The following FMNL2 variants were observed in gnomAD, a reference collection of about 807,000 sequenced individuals.
The protein encoded by FMNL2 is formin like 2.
FMNL2 carries 51 observed loss-of-function variants against 130.2 expected under a neutral mutation model. That is an observed-to-expected ratio of 0.39 (90% CI 0.31 to 0.49). The LOEUF is 0.49. FMNL2 is among the 20% of genes least tolerant of loss of function. The probability of loss-of-function intolerance (pLI) is 0.85; values close to 1 mark genes in which losing one functional copy is unlikely to be tolerated. For synonymous variants in FMNL2, 465 were observed against 467.1 expected (o/e 1.00, Z 0.06); for missense variants, 977 against 1,316.2 (o/e 0.74, Z 3.99).
At chr2:152,399,658 G>C (rs2105956874) in intron 1 of FMNL2, among the ~76,000 whole-genome samples, 1 of 152,234 alleles carries the variant, frequency 6.6e-6, no homozygotes, top group South Asian at 2.1e-4. Context: ...ATTTGTATGG[G>C]GATGGATTAG....
intron 1 of FMNL2, among the ~76,000 whole-genome samples, chr2:152,376,717 T>C (rs1051191672): frequency 6.6e-6 from 1 of 152,244 alleles, no homozygotes; most frequent in African/African-American, 2.4e-5. Flanking sequence ...CCTTTGGCTC[T>C]TCTTTATTCT....
rs544986904 is a variant in FMNL2 at position 152,608,216 on chromosome 2, T to C, written c.951+803T>C. ...CCTAACCGGGCTGTAATTTCCCAGA[T>C]CACTTCTAACCTGAAGCAGACGTAC... is the stretch of plus-strand genomic sequence containing the variant. On this transcript the variant is annotated intron_variant, in intron 10 of 25. Coordinates refer to ENST00000288670, the MANE Select transcript of FMNL2 (RefSeq NM_052905.4). Among the ~76,000 whole-genome samples the C allele has an allele frequency of 7.2e-5, 11 of 152,208 alleles. No homozygotes were observed. The South Asian group carries it at 2.3e-3, about 32-fold the overall frequency.
chr2:152,517,656 A>G (rs1380348017), intron 1 of FMNL2, among the ~76,000 whole-genome samples: 1 of 152,218 alleles, frequency 6.6e-6, no homozygotes, highest in Non-Finnish European at 1.5e-5. Flanking sequence ...TTACAGAAAT[A>G]ATACTCTTGG....
Position 152,577,295 on chromosome 2 carries a change from A to G in FMNL2, c.706-1593A>G, listed in dbSNP as rs1388830773. Among the ~76,000 whole-genome samples, 4 of 152,326 alleles carry G rather than the reference A, an allele frequency of 2.6e-5. No individual in the cohort carries two copies. The East Asian group carries it at 5.8e-4, about 22-fold the overall frequency. On this transcript the variant is annotated intron_variant, in intron 7 of 25. Transcript: ENST00000288670. ...CACCTGTGAGATATATTTGCTATCT[A>G]CAAAGATGGGAAGACTGCAGGATAG...
intron 1 of FMNL2, among the ~76,000 whole-genome samples, chr2:152,422,640 T>C (rs1048792182): frequency 3.9e-5 from 6 of 152,200 alleles, no homozygotes; most frequent in Non-Finnish European, 5.9e-5. Flanking sequence ...GCCATCCTCC[T>C]ATCTCAGCCT....
chr2:152,404,308 A>G (rs1449238533), intron 1 of FMNL2, among the ~76,000 whole-genome samples: 1 of 152,190 alleles, frequency 6.6e-6, no homozygotes, highest in Non-Finnish European at 1.5e-5. Context: ...TTCCTACATA[A>G]ACATTTTGTT....
chr2:152,640,671 T>C lies in FMNL2; in HGVS notation c.3046-120T>C, dbSNP rs752061020. 8 of 1,182,322 alleles carry C rather than the reference T, an allele frequency of 6.8e-6. No homozygotes were observed. The South Asian group carries it at 1.3e-4, about 19-fold the overall frequency. 73.2% of individuals were successfully genotyped at this position (1,182,322 alleles called of 1,614,324 possible). On this transcript the variant is annotated intron_variant, in intron 24 of 25. Coordinates refer to ENST00000288670, the MANE Select transcript of FMNL2 (RefSeq NM_052905.4). ...CTCTGCAACTGAGCAGAATGTGGGA[T>C]GTGTGTGTGTTTTTGGCCGAAGCTG...
chr2:152,448,836 T>C (rs1688489501), intron 1 of FMNL2, among the ~76,000 whole-genome samples: 1 of 152,242 alleles, frequency 6.6e-6, no homozygotes, highest in African/African-American at 2.4e-5. Flanking sequence ...TTCCCTCAGA[T>C]AGCTGATTAC....
intron 1 of FMNL2, among the ~76,000 whole-genome samples, chr2:152,405,651 A>C (rs1376767873): frequency 1.3e-5 from 2 of 152,164 alleles, no homozygotes; most frequent in African/African-American, 2.4e-5. Flanking sequence ...CTAGAGACCA[A>C]CTGGTCCAAC....
intron 1 of FMNL2, among the ~76,000 whole-genome samples, chr2:152,450,138 TA>T (rs1467411107): frequency 3.9e-5 from 6 of 152,172 alleles, no homozygotes; most frequent in African/African-American, 1.2e-4. Flanking sequence ...ATATTTGCAT[TA>T]AAAAAACAAT....
intron 1 of FMNL2, among the ~76,000 whole-genome samples, chr2:152,415,430 T>C (rs1686556304): frequency 6.6e-6 from 1 of 152,218 alleles, no homozygotes; most frequent in Non-Finnish European, 1.5e-5. Context: ...ACAGGCTTGT[T>C]GTAGGGAGAA....
intron 1 of FMNL2, among the ~76,000 whole-genome samples, chr2:152,427,865 C>T (rs1687276987): frequency 6.6e-6 from 1 of 152,190 alleles, no homozygotes; most frequent in Admixed American, 6.5e-5. Flanking sequence ...ATGACTCCCC[C>T]TGGGTTTGTG....
chr2:152,437,048 G>A (rs1687808359), intron 1 of FMNL2, among the ~76,000 whole-genome samples: 1 of 152,158 alleles, frequency 6.6e-6, no homozygotes, highest in East Asian at 1.9e-4. Flanking sequence ...TTTGCAGATA[G>A]CTGCCTTATT....
At chr2:152,437,651 A>C (rs904507756) in intron 1 of FMNL2, among the ~76,000 whole-genome samples, 1 of 152,104 alleles carries the variant, frequency 6.6e-6, no homozygotes, top group Non-Finnish European at 1.5e-5. Flanking sequence ...TTTACAGTCT[A>C]TCGGTTTGTG....
chr2:152,594,985 ACT>A (rs1399897464), intron 9 of FMNL2, among the ~76,000 whole-genome samples: 1 of 151,990 alleles, frequency 6.6e-6, no homozygotes, highest in East Asian at 1.9e-4. Context: ...TTCCCCGCAA[ACT>A]CTGCGTCACA....
At chr2:152,381,417 A>C (rs1168806094) in intron 1 of FMNL2, among the ~76,000 whole-genome samples, 1 of 152,236 alleles carries the variant, frequency 6.6e-6, no homozygotes, top group Non-Finnish European at 1.5e-5. Context: ...CCAGATCTCC[A>C]GGGATGCTAA....
intron 1 of FMNL2, among the ~76,000 whole-genome samples, chr2:152,477,473 C>T (rs1558895802): frequency 6.6e-6 from 1 of 152,180 alleles, no homozygotes. Flanking sequence ...TTACCCCCAT[C>T]CCAAACTTGT....
At chr2:152,419,591 A>C (rs1686800051) in intron 1 of FMNL2, among the ~76,000 whole-genome samples, 1 of 152,168 alleles carries the variant, frequency 6.6e-6, no homozygotes, top group African/African-American at 2.4e-5. Context: ...CAGGAGGAGT[A>C]AATTAATTTA....
intron 1 of FMNL2, among the ~76,000 whole-genome samples, chr2:152,361,324 G>A (rs1235659875): frequency 2.0e-5 from 3 of 152,094 alleles, no homozygotes; most frequent in African/African-American, 7.2e-5. Flanking sequence ...AAAACTTCCA[G>A]TAAAATATAC....
Sources: allele counts gnomAD v4.1 joint callset (sites outside exome capture counted in the v4.1 genomes callset), GRCh38; gene constraint gnomAD v4.1.1; transcripts MANE v1.5; gene names NCBI Gene and HGNC (gene_info 2026-07-23, HGNC 2026-07-21).